Variants in MED12L observed in about 807,000 individuals in gnomAD.
MED12L encodes mediator complex subunit 12L.
MED12L carries 60 observed loss-of-function variants against 281.3 expected under a neutral mutation model. The observed-to-expected ratio is 0.21, with a 90% confidence interval of 0.17 to 0.26. MED12L has a LOEUF of 0.26. Among genes scored for constraint, MED12L ranks in the 10% least tolerant of loss-of-function variants. The probability of loss-of-function intolerance (pLI) is 1.00; values close to 1 mark genes in which losing one functional copy is unlikely to be tolerated. For missense variants in MED12L, 2,146 were observed against 2,680.9 expected (o/e 0.80, Z 4.41); for synonymous variants, 974 against 987.2 (o/e 0.99, Z 0.25).
intron 5 of MED12L, among the ~76,000 whole-genome samples, chr3:151,149,745 A>T (rs73155789): frequency 6.6e-6 from 1 of 152,228 alleles, no homozygotes; most frequent in Non-Finnish European, 1.5e-5. Flanking sequence ...TGTTTCATCA[A>T]CGAAGTTTAT....
At chr3:151,148,415 A>G (rs550790303) in intron 5 of MED12L, among the ~76,000 whole-genome samples, 1 of 152,364 alleles carries the variant, frequency 6.6e-6, no homozygotes, top group South Asian at 2.1e-4. Context: ...GTAATGGTAT[A>G]TATAATAGCT....
chr3:151,341,581 TTTA>T (rs201307060), intron 16 of MED12L, among the ~76,000 whole-genome samples: 2,796 of 151,722 alleles, frequency 0.018, 113 homozygotes, highest in African/African-American at 0.064. Flanking sequence ...TTTTTTTAAT[TTTA>T]TTATTATTAT....
At chr3:151,328,565 G>A (rs1218584463) in intron 16 of MED12L, 1 of 1,613,746 alleles carries the variant, frequency 6.2e-7, no homozygotes, top group Admixed American at 1.7e-5. Flanking sequence ...GATGAAGATT[G>A]AGACCGTTTT....
chr3:151,150,471 C>T (rs1431413626), intron 5 of MED12L, among the ~76,000 whole-genome samples: 1 of 152,118 alleles, frequency 6.6e-6, no homozygotes, highest in Non-Finnish European at 1.5e-5. Context: ...AGAGAACAGA[C>T]GGACTAGATT....
At chr3:151,357,966 C>T (rs149226562) in intron 20 of MED12L, among the ~76,000 whole-genome samples, 56 of 152,304 alleles carry the variant, frequency 3.7e-4, no homozygotes, top group African/African-American at 1.3e-3. Context: ...TAAATGAGCT[C>T]TCAAAAACTT....
intron 16 of MED12L, among the ~76,000 whole-genome samples, chr3:151,253,815 CCT>C (rs1457659051): frequency 1.3e-5 from 2 of 152,086 alleles, no homozygotes; most frequent in African/African-American, 4.8e-5. Flanking sequence ...GAAACATTGT[CCT>C]TTTGCTGAGA....
At chr3:151,107,462 C>G (rs1216993653) in intron 2 of MED12L, among the ~76,000 whole-genome samples, 1 of 152,034 alleles carries the variant, frequency 6.6e-6, no homozygotes, top group African/African-American at 2.4e-5. Flanking sequence ...CTATGGAATC[C>G]CCTGGACTTA....
At chr3:151,349,942 C>T (rs1565574) in intron 16 of MED12L, 117 bp from the exon 17 acceptor site, 349,452 of 778,698 alleles carry the variant, frequency 0.45, 80,514 homozygotes, top group Middle Eastern at 0.59. Flanking sequence ...GAAGGGAGGG[C>T]GGGATGCCAC....
chr3:151,128,660 T>G (rs1238119015), intron 5 of MED12L, among the ~76,000 whole-genome samples: 1 of 152,256 alleles, frequency 6.6e-6, no homozygotes, highest in Non-Finnish European at 1.5e-5. Context: ...TTGGCTCAAA[T>G]GTCATTTCTG....
At chr3:151,372,861 C>CT in intron 27 of MED12L, 95 bp downstream of exon 27, 3 of 844,560 alleles carry the variant, frequency 3.6e-6, no homozygotes, top group Non-Finnish European at 3.6e-6. Flanking sequence ...ATAGGTGGGC[C>CT]TTTTTTTCTT....
chr3:151,205,957 A>G (rs913888448), intron 16 of MED12L, among the ~76,000 whole-genome samples: 2 of 152,028 alleles, frequency 1.3e-5, no homozygotes, highest in African/African-American at 4.8e-5. Context: ...CATCAAAATA[A>G]TTTACAAATG....
At chr3:151,381,934 G>A (rs1712432721) in intron 32 of MED12L, among the ~76,000 whole-genome samples, 1 of 152,180 alleles carries the variant, frequency 6.6e-6, no homozygotes, top group Admixed American at 6.5e-5. Context: ...TCTCATTAAT[G>A]ACCATATTTC....
chr3:151,300,222 G>A, intron 16 of MED12L: 16 of 766,070 alleles, frequency 2.1e-5, no homozygotes, highest in Admixed American at 1.0e-4. Flanking sequence ...GAAAAATGAG[G>A]AAAAAATCAT....
chr3:151,293,949 T>C, intron 16 of MED12L: 1 of 525,812 alleles, frequency 1.9e-6, no homozygotes, highest in Non-Finnish European at 3.4e-6. Flanking sequence ...TTCACTCTGC[T>C]CCTCAGACTT....
chr3:151,365,189 C>T lies in MED12L; in HGVS notation c.3168C>T (p.Gly1056=). 1 of 1,613,664 alleles carries T rather than the reference C, an allele frequency of 6.2e-7. No homozygotes were observed. Among genetic ancestry groups the T allele is most frequent in the Non-Finnish European group, 8.5e-7 (1 of 1,179,666 alleles). Reference sequence around the variant, plus strand: ...ATACACTCATGAATGTATGTATGGGCCATCAGGATGCTGGCAGGTGAGATG... The same window carrying T: ...ATACACTCATGAATGTATGTATGGGTCATCAGGATGCTGGCAGGTGAGATG... ...VCNTLMNVCM[G]HQDAGRINDI... Residue 1056 remains glycine, a synonymous_variant, in exon 22 of 45, where the codon GGC becomes GGT. Transcript: ENST00000687756.
intron 27 of MED12L, among the ~76,000 whole-genome samples, chr3:151,373,489 C>G (rs1756430454): frequency 6.6e-6 from 1 of 151,964 alleles, no homozygotes; most frequent in Non-Finnish European, 1.5e-5. Context: ...GTTTAACTCC[C>G]CCACCCCTCA....
intron 39 of MED12L, among the ~76,000 whole-genome samples, chr3:151,397,656 A>G (rs533712509): frequency 6.6e-6 from 1 of 152,332 alleles, no homozygotes; most frequent in South Asian, 2.1e-4. Context: ...TGCTGGGCAC[A>G]GTTTGCTTTT....
intron 26 of MED12L, among the ~76,000 whole-genome samples, chr3:151,370,704 T>C (rs1756068421): frequency 6.6e-6 from 1 of 152,188 alleles, no homozygotes; most frequent in Non-Finnish European, 1.5e-5. Context: ...GTAGGGACCA[T>C]AGAGATAGGG....
intron 2 of MED12L, among the ~76,000 whole-genome samples, chr3:151,095,192 T>A (rs757187704): frequency 1.3e-5 from 2 of 152,210 alleles, no homozygotes; most frequent in Non-Finnish European, 2.9e-5. Context: ...AGGAGCAGGT[T>A]TATACCAGCT....
Sources: gnomAD v4.1 joint callset for allele counts (sites outside exome capture counted in the v4.1 genomes callset) on GRCh38, gnomAD v4.1.1 for gene constraint, MANE v1.5 for transcripts, NCBI Gene and HGNC (gene_info 2026-07-23, HGNC 2026-07-21) for gene names.